IL1RAPL2: variants seen among roughly 807,000 people sequenced by gnomAD.
IL1RAPL2 encodes the protein X-linked interleukin-1 receptor accessory protein-like 2.
In IL1RAPL2, 3 loss-of-function variants were observed where a neutral mutation model predicts 44.1. That is an observed-to-expected ratio of 0.07 (90% CI 0.03 to 0.18). IL1RAPL2 has a LOEUF of 0.18. Ranked by LOEUF, IL1RAPL2 falls within the 10% of genes least tolerant of loss-of-function variation. The probability of loss-of-function intolerance (pLI) is 1.00; values close to 1 mark genes in which losing one functional copy is unlikely to be tolerated. For synonymous variants in IL1RAPL2, 181 were observed against 178.8 expected (o/e 1.01, Z -0.10); for missense variants, 391 against 496.4 (o/e 0.79, Z 2.02).
intron 6 of IL1RAPL2, among the ~76,000 whole-genome samples, chrX:105,571,062 A>C (rs990009833): frequency 8.0e-5 from 9 of 111,863 alleles, no homozygotes; most frequent in Non-Finnish European, 1.5e-4. Flanking sequence ...AAATCATTCA[A>C]ATCCAAAAAT....
intron 2 of IL1RAPL2, among the ~76,000 whole-genome samples, chrX:104,806,929 G>A (rs1228094571): frequency 2.7e-5 from 3 of 111,950 alleles, no homozygotes; most frequent in African/African-American, 9.7e-5. Context: ...GCTGTTGGCT[G>A]CTTGTATTTC....
At chrX:104,984,417 C>T (rs2030522138) in intron 2 of IL1RAPL2, among the ~76,000 whole-genome samples, 1 of 111,646 alleles carries the variant, frequency 9.0e-6, no homozygotes, top group African/African-American at 3.3e-5. Flanking sequence ...TGTGAGGAGG[C>T]CACTAAAGTA....
intron 6 of IL1RAPL2, among the ~76,000 whole-genome samples, chrX:105,522,885 C>T (rs771609575): frequency 1.8e-5 from 2 of 111,037 alleles, no homozygotes; most frequent in Admixed American, 9.6e-5. Flanking sequence ...GTCCCTGAAA[C>T]TTATTTCTCT....
intron 6 of IL1RAPL2, among the ~76,000 whole-genome samples, chrX:105,653,977 A>G (rs1309448320): frequency 1.8e-5 from 2 of 110,443 alleles, no homozygotes. Flanking sequence ...GCACACACAC[A>G]AACACACACA....
chrX:104,679,235 C>T (rs1930848739), intron 2 of IL1RAPL2, among the ~76,000 whole-genome samples: 1 of 111,290 alleles, frequency 9.0e-6, no homozygotes, highest in African/African-American at 3.3e-5. Context: ...TGTGGCTCAC[C>T]TACTCATCCT....
chrX:105,663,447 A>G (rs753300245), intron 6 of IL1RAPL2, among the ~76,000 whole-genome samples: 4 of 112,138 alleles, frequency 3.6e-5, no homozygotes, highest in Non-Finnish European at 7.5e-5. Context: ...ACTGCATAAA[A>G]TTAACTGTAG....
chrX:104,778,581 AT>A (rs1932753672), intron 2 of IL1RAPL2, among the ~76,000 whole-genome samples: 1 of 105,691 alleles, frequency 9.5e-6, no homozygotes, highest in African/African-American at 3.4e-5. Flanking sequence ...ATATATATAT[AT>A]AAATATATAT....
intron 2 of IL1RAPL2, among the ~76,000 whole-genome samples, chrX:105,013,568 A>T (rs2031107043): frequency 9.0e-6 from 1 of 110,537 alleles, no homozygotes; most frequent in African/African-American, 3.3e-5. Flanking sequence ...AGAGAGTTTT[A>T]GTCCTTGCTT....
chrX:105,459,252 G>T (rs757685783), intron 5 of IL1RAPL2, among the ~76,000 whole-genome samples: 1 of 110,872 alleles, frequency 9.0e-6, no homozygotes, highest in South Asian at 3.8e-4. Context: ...GTGTTTGTGT[G>T]CATGTGTGTG....
At chrX:104,777,079 G>A (rs1932730319) in intron 2 of IL1RAPL2, among the ~76,000 whole-genome samples, 1 of 111,093 alleles carries the variant, frequency 9.0e-6, no homozygotes, top group Non-Finnish European at 1.9e-5. Flanking sequence ...CATCTTAACT[G>A]TTTTTAAGGA....
At chrX:104,726,805 G>A (rs5916820) in intron 2 of IL1RAPL2, among the ~76,000 whole-genome samples, 39,115 of 109,373 alleles carry the variant, frequency 0.36, 5,679 homozygotes, top group East Asian at 0.47. Flanking sequence ...TGTTTTGGCT[G>A]CGATAGCCTC....
chrX:105,520,601 G>A (rs184004919), intron 6 of IL1RAPL2, among the ~76,000 whole-genome samples: 7 of 111,035 alleles, frequency 6.3e-5, no homozygotes, highest in South Asian at 7.5e-4. Context: ...TCAAGCAACC[G>A]TTTATGGCCC....
chrX:105,417,589 T>A (rs1199528094), intron 5 of IL1RAPL2, among the ~76,000 whole-genome samples: 1 of 113,016 alleles, frequency 8.8e-6, no homozygotes, highest in Non-Finnish European at 1.9e-5. Flanking sequence ...TTTTTCTCCA[T>A]TACCATAGTA....
chrX:105,066,042 A>G (rs1041492097), intron 2 of IL1RAPL2, among the ~76,000 whole-genome samples: 2 of 111,306 alleles, frequency 1.8e-5, no homozygotes, highest in African/African-American at 6.5e-5. Flanking sequence ...GTGGTGGGAG[A>G]CGGGCTATAG....
intron 2 of IL1RAPL2, among the ~76,000 whole-genome samples, chrX:104,672,854 C>T (rs773133160): frequency 2.2e-4 from 24 of 109,217 alleles, no homozygotes; most frequent in Middle Eastern, 4.7e-3. Context: ...CCAGTGATGA[C>T]GAGCATTTTT....
intron 6 of IL1RAPL2, among the ~76,000 whole-genome samples, chrX:105,562,754 A>G (rs1398450365): frequency 1.8e-5 from 2 of 111,656 alleles, no homozygotes; most frequent in South Asian, 3.8e-4. Context: ...GGAGGCTCCC[A>G]TACTCAAGTA....
intron 4 of IL1RAPL2, among the ~76,000 whole-genome samples, chrX:105,254,540 A>C: frequency 8.9e-6 from 1 of 112,167 alleles, no homozygotes; most frequent in Middle Eastern, 4.7e-3. Context: ...TTTGCTATGC[A>C]GAAGTTCTTA....
intron 5 of IL1RAPL2, among the ~76,000 whole-genome samples, chrX:105,427,270 C>A (rs779156953): frequency 3.6e-5 from 4 of 111,587 alleles, no homozygotes; most frequent in Non-Finnish European, 7.5e-5. Flanking sequence ...ACAATACTGT[C>A]TCCCACTCTC....
At chrX:105,208,272 C>T (rs190760804) in intron 3 of IL1RAPL2, among the ~76,000 whole-genome samples, 1 of 111,948 alleles carries the variant, frequency 8.9e-6, no homozygotes, top group African/African-American at 3.2e-5. Flanking sequence ...TAATGAGCAC[C>T]TTAACTTGCA....
Sources: gnomAD v4.1 joint callset for allele counts (sites outside exome capture counted in the v4.1 genomes callset) on GRCh38, gnomAD v4.1.1 for gene constraint, MANE v1.5 for transcripts, NCBI Gene and HGNC (gene_info 2026-07-23, HGNC 2026-07-21) for gene names.